TUSC3: variants seen among roughly 807,000 people sequenced by gnomAD.
The protein encoded by TUSC3 is tumor suppressor candidate 3.
A neutral mutation model predicts 44.8 loss-of-function variants in TUSC3; 45 were observed. The ratio of observed to expected loss-of-function variants is 1.00; its 90% CI spans 0.79 to 1.29. The LOEUF (loss-of-function observed/expected upper bound fraction) is 1.29, where lower values mean the gene tolerates loss of function less well. Ranked by LOEUF, TUSC3 falls within the 50% of genes most tolerant of loss-of-function variation. The pLI, the probability that TUSC3 is intolerant of heterozygous loss-of-function variation, is 0.00. For synonymous variants in TUSC3, 212 were observed against 152.9 expected, an observed-to-expected ratio of 1.39 and a Z score of -2.85; for missense variants, 519 against 437.9, an observed-to-expected ratio of 1.19 and a Z score of -1.65.
downstream of TUSC3, among the ~76,000 whole-genome samples, chr8:15,770,887 A>G (rs547678182): frequency 1.2e-4 from 18 of 152,334 alleles, no homozygotes; most frequent in Non-Finnish European, 2.2e-4. Flanking sequence ...AAATCTGAAA[A>G]AAGACATGAA....
intron 1 of TUSC3, among the ~76,000 whole-genome samples, chr8:15,596,649 T>A (rs986235743): frequency 3.3e-5 from 5 of 152,178 alleles, no homozygotes; most frequent in African/African-American, 1.2e-4. Flanking sequence ...CGTATATTAA[T>A]TACAGTTATA....
At chr8:15,550,279 A>G (rs1183431144) in intron 1 of TUSC3, among the ~76,000 whole-genome samples, 2 of 151,700 alleles carry the variant, frequency 1.3e-5, no homozygotes, top group African/African-American at 4.8e-5. Context: ...AGACAATATG[A>G]TGGGTGGTCT....
At chr8:15,801,732 G>T in the TUSC3 span, among the ~76,000 whole-genome samples, 1 of 152,104 alleles carries the variant, frequency 6.6e-6, no homozygotes, top group Non-Finnish European at 1.5e-5. Flanking sequence ...ACCCTTGCTG[G>T]GCTCAGAGGG....
the TUSC3 span, among the ~76,000 whole-genome samples, chr8:15,841,541 T>C: frequency 2.6e-5 from 4 of 152,086 alleles, no homozygotes; most frequent in Non-Finnish European, 5.9e-5. Context: ...TTAGATGGCA[T>C]CTTGCTTTGT....
intron 6 of TUSC3, among the ~76,000 whole-genome samples, chr8:15,713,549 A>G (rs2129200777): frequency 6.6e-6 from 1 of 152,244 alleles, no homozygotes; most frequent in Non-Finnish European, 1.5e-5. Flanking sequence ...CAACAACAGA[A>G]AATGTATTTG....
At chr8:15,784,101 C>T in the TUSC3 span, among the ~76,000 whole-genome samples, 50 of 152,146 alleles carry the variant, frequency 3.3e-4, no homozygotes, top group Admixed American at 3.0e-3. Flanking sequence ...AAAAAATGCT[C>T]GACAACACTA....
At chr8:15,426,448 C>G (rs561495174) in intron 1 of TUSC3, among the ~76,000 whole-genome samples, 4 of 152,218 alleles carry the variant, frequency 2.6e-5, no homozygotes, top group Admixed American at 6.5e-5. Context: ...TCTTTGCTTC[C>G]ATGAGTTTGA....
At chr8:15,747,121 A>AT (rs1811449661) in intron 8 of TUSC3, among the ~76,000 whole-genome samples, 1 of 152,014 alleles carries the variant, frequency 6.6e-6, no homozygotes, top group Admixed American at 6.6e-5. Flanking sequence ...AAATTGACAC[A>AT]TTTGCAGACC....
At chr8:15,721,644 C>T (rs1810308373) in intron 6 of TUSC3, among the ~76,000 whole-genome samples, 1 of 151,688 alleles carries the variant, frequency 6.6e-6, no homozygotes. Context: ...TTTAGTTAAA[C>T]ACAAGAAAAT....
downstream of TUSC3, among the ~76,000 whole-genome samples, chr8:15,769,245 C>T (rs575559932): frequency 4.5e-4 from 68 of 152,052 alleles, no homozygotes; most frequent in African/African-American, 1.4e-3. Context: ...ACCAATGGAA[C>T]GGAACAGAAC....
At chr8:15,459,734 T>A (rs1800317330) in intron 1 of TUSC3, among the ~76,000 whole-genome samples, 1 of 152,122 alleles carries the variant, frequency 6.6e-6, no homozygotes, top group Non-Finnish European at 1.5e-5. Flanking sequence ...ATTTTTCCAT[T>A]CCTAAATTAC....
At chr8:15,660,545 A>G (rs1807372014) in intron 4 of TUSC3, among the ~76,000 whole-genome samples, 1 of 151,944 alleles carries the variant, frequency 6.6e-6, no homozygotes, top group Non-Finnish European at 1.5e-5. Flanking sequence ...GGAGCCAGTT[A>G]TTTTAAAAGT....
intron 3 of TUSC3, among the ~76,000 whole-genome samples, chr8:15,655,135 G>A (rs1228797619): frequency 6.6e-6 from 1 of 152,110 alleles, no homozygotes; most frequent in Non-Finnish European, 1.5e-5. Context: ...ATGATCAGGT[G>A]GTTGTTAAAC....
intron 2 of TUSC3, among the ~76,000 whole-genome samples, chr8:15,522,519 C>A (rs1268700336): frequency 1.3e-5 from 2 of 151,806 alleles, no homozygotes; most frequent in African/African-American, 4.8e-5. Context: ...CGGTATGAGC[C>A]ACCATGCCCA....
At chr8:15,621,058 G>A (rs1163746757) in intron 1 of TUSC3, among the ~76,000 whole-genome samples, 1 of 151,978 alleles carries the variant, frequency 6.6e-6, no homozygotes, top group African/African-American at 2.4e-5. Context: ...TAACTCATAC[G>A]TAAGTAACTT....
At chr8:15,464,077 TCAAGC>T in intron 1 of TUSC3, among the ~76,000 whole-genome samples, 1 of 152,264 alleles carries the variant, frequency 6.6e-6, no homozygotes, top group Non-Finnish European at 1.5e-5. Flanking sequence ...TCAGACTTAA[TCAAGC>T]CATAGTGAGT....
intron 1 of TUSC3, among the ~76,000 whole-genome samples, chr8:15,615,164 G>A (rs1804936858): frequency 6.6e-6 from 1 of 152,168 alleles, no homozygotes; most frequent in Admixed American, 6.5e-5. Context: ...GTCCTCTCAT[G>A]TTTATTGAAG....
chr8:15,452,787 G>A (rs1165347744), intron 1 of TUSC3, among the ~76,000 whole-genome samples: 2 of 152,132 alleles, frequency 1.3e-5, no homozygotes, highest in Non-Finnish European at 2.9e-5. Flanking sequence ...GCACTCTGCA[G>A]CCCAAGAACC....
At chr8:15,761,067 C>T (rs1269083619) in intron 10 of TUSC3, among the ~76,000 whole-genome samples, 1 of 152,164 alleles carries the variant, frequency 6.6e-6, no homozygotes, top group African/African-American at 2.4e-5. Context: ...TGCACAGAAT[C>T]TAGTACACAA....
Sources: allele counts gnomAD v4.1 joint callset (sites outside exome capture counted in the v4.1 genomes callset), GRCh38; gene constraint gnomAD v4.1.1; transcripts MANE v1.5; gene names NCBI Gene and HGNC (gene_info 2026-07-23, HGNC 2026-07-21).